LRRC4C: variants seen among roughly 807,000 people sequenced by gnomAD.
The protein encoded by LRRC4C is leucine-rich repeat-containing protein 4C.
LRRC4C carries 5 observed loss-of-function variants against 33.6 expected under a neutral mutation model. The observed-to-expected ratio is 0.15, with a 90% CI of 0.08 to 0.31. The LOEUF is 0.31. Among genes scored for constraint, LRRC4C ranks in the 10% least tolerant of loss-of-function variants. The pLI is 1.00. For missense variants in LRRC4C, 560 were observed against 796.7 expected (o/e 0.70, Z 3.58); for synonymous variants, 329 against 302.0 (o/e 1.09, Z -0.93).
chr11:41,154,625 T>G (rs939724375), intron 1 of LRRC4C, among the ~76,000 whole-genome samples: 3 of 152,116 alleles, frequency 2.0e-5, no homozygotes, highest in Non-Finnish European at 2.9e-5. Flanking sequence ...TTTTCAAAAA[T>G]GGCAATGTTA....
At chr11:40,776,273 TC>T (rs1464557752) in intron 2 of LRRC4C, among the ~76,000 whole-genome samples, 1 of 106,146 alleles carries the variant, frequency 9.4e-6, no homozygotes, top group Non-Finnish European at 2.2e-5. Flanking sequence ...TGGATTTTTC[TC>T]TTTTTTTTTT....
At chr11:40,684,466 A>C (rs1048841136) in intron 2 of LRRC4C, among the ~76,000 whole-genome samples, 1 of 151,994 alleles carries the variant, frequency 6.6e-6, no homozygotes, top group African/African-American at 2.4e-5. Context: ...AAGATATTAA[A>C]AGTTAAGAAA....
At chr11:40,824,924 C>T (rs770210721) in intron 2 of LRRC4C, among the ~76,000 whole-genome samples, 20 of 151,922 alleles carry the variant, frequency 1.3e-4, no homozygotes, top group Non-Finnish European at 2.5e-4. Flanking sequence ...GCCACACTGC[C>T]ACAGCTGGTC....
intron 1 of LRRC4C, among the ~76,000 whole-genome samples, chr11:41,029,180 A>C (rs1303900968): frequency 1.3e-5 from 2 of 151,778 alleles, no homozygotes; most frequent in Non-Finnish European, 2.9e-5. Flanking sequence ...AGATGTGCTG[A>C]CAAAGCAGCA....
chr11:41,009,122 G>T (rs955737505), intron 1 of LRRC4C, among the ~76,000 whole-genome samples: 1 of 152,004 alleles, frequency 6.6e-6, no homozygotes, highest in African/African-American at 2.4e-5. Flanking sequence ...GATTTAGATA[G>T]ATATTTGGAA....
intron 3 of LRRC4C, among the ~76,000 whole-genome samples, chr11:40,444,191 G>A (rs929602834): frequency 1.3e-5 from 2 of 152,096 alleles, no homozygotes; most frequent in African/African-American, 4.8e-5. Context: ...CATTTTGCAA[G>A]TGGGAAAACT....
intron 3 of LRRC4C, among the ~76,000 whole-genome samples, chr11:40,476,619 C>G (rs1953249665): frequency 6.6e-6 from 1 of 152,170 alleles, no homozygotes; most frequent in Non-Finnish European, 1.5e-5. Context: ...GCTGGGATTA[C>G]AGGCGTAAGC....
At chr11:40,939,444 A>G (rs1958046582) in intron 1 of LRRC4C, among the ~76,000 whole-genome samples, 1 of 151,734 alleles carries the variant, frequency 6.6e-6, no homozygotes, top group Non-Finnish European at 1.5e-5. Flanking sequence ...TTTTTTCCTC[A>G]GAAATCAACT....
intron 1 of LRRC4C, among the ~76,000 whole-genome samples, chr11:41,421,650 C>A (rs1485551666): frequency 6.6e-6 from 1 of 151,922 alleles, no homozygotes; most frequent in Non-Finnish European, 1.5e-5. Context: ...TTTCTTCTTC[C>A]ACATCCCAAG....
intron 3 of LRRC4C, among the ~76,000 whole-genome samples, chr11:40,522,173 G>A (rs1955844395): frequency 6.6e-6 from 1 of 152,138 alleles, no homozygotes; most frequent in African/African-American, 2.4e-5. Context: ...AAAAGCACAT[G>A]CCACCATGCC....
chr11:41,056,858 T>C (rs1858656766), intron 1 of LRRC4C, among the ~76,000 whole-genome samples: 1 of 152,218 alleles, frequency 6.6e-6, no homozygotes, highest in Non-Finnish European at 1.5e-5. Flanking sequence ...TCACACCAGC[T>C]GCTACAAGGA....
intron 3 of LRRC4C, among the ~76,000 whole-genome samples, chr11:40,478,917 G>T (rs1436180122): frequency 6.6e-6 from 1 of 152,158 alleles, no homozygotes; most frequent in Non-Finnish European, 1.5e-5. Context: ...TTCTGCTAAT[G>T]TTGGTTAAAT....
chr11:40,129,074 T>C (rs922343208), intron 6 of LRRC4C, among the ~76,000 whole-genome samples: 1 of 152,122 alleles, frequency 6.6e-6, no homozygotes, highest in Admixed American at 6.6e-5. Context: ...ACAGTACTCA[T>C]GGAGTGTTTG....
chr11:40,507,265 A>G (rs1955078520), intron 3 of LRRC4C, among the ~76,000 whole-genome samples: 1 of 152,144 alleles, frequency 6.6e-6, no homozygotes, highest in South Asian at 2.1e-4. Flanking sequence ...TGGTTTAGGT[A>G]TATACAAGGA....
chr11:40,249,329 C>A (rs951422214), intron 4 of LRRC4C, among the ~76,000 whole-genome samples: 1 of 151,918 alleles, frequency 6.6e-6, no homozygotes, highest in African/African-American at 2.4e-5. Context: ...GAGAGTGAGA[C>A]TCCATCTCAA....
At chr11:41,009,385 G>A (rs1457025839) in intron 1 of LRRC4C, among the ~76,000 whole-genome samples, 1 of 151,994 alleles carries the variant, frequency 6.6e-6, no homozygotes, top group Non-Finnish European at 1.5e-5. Flanking sequence ...ACTAAATGCT[G>A]AAAAGAAGAC....
chr11:41,050,538 T>C (rs932172143), intron 1 of LRRC4C, among the ~76,000 whole-genome samples: 1 of 151,936 alleles, frequency 6.6e-6, no homozygotes, highest in African/African-American at 2.4e-5. Context: ...TGAGAACACG[T>C]GGTGTTTGGT....
chr11:40,992,679 A>G (rs536732821), intron 1 of LRRC4C, among the ~76,000 whole-genome samples: 4 of 152,194 alleles, frequency 2.6e-5, no homozygotes, highest in Admixed American at 2.6e-4. Context: ...TGAAGTCACA[A>G]AAAGGAAAGC....
intron 3 of LRRC4C, among the ~76,000 whole-genome samples, chr11:40,337,017 G>A (rs1403294663): frequency 6.8e-6 from 1 of 147,710 alleles, no homozygotes; most frequent in African/African-American, 2.5e-5. Flanking sequence ...GAGCGAATCA[G>A]GGAAAGGGAG....
Sources: gnomAD v4.1 joint callset for allele counts (sites outside exome capture counted in the v4.1 genomes callset) on GRCh38, gnomAD v4.1.1 for gene constraint, MANE v1.5 for transcripts, NCBI Gene and HGNC (gene_info 2026-07-23, HGNC 2026-07-21) for gene names.